TYW3: variants seen among roughly 807,000 people sequenced by gnomAD.
The protein encoded by TYW3 is tRNA wybutosine-synthesizing protein 3 homolog.
A neutral mutation model predicts 23.1 loss-of-function variants in TYW3; 26 were observed. That is an observed-to-expected ratio of 1.13 (90% confidence interval 0.83 to 1.56). TYW3 has a LOEUF of 1.56. TYW3 is among the 40% of genes most tolerant of loss of function. The pLI, the probability that TYW3 is intolerant of heterozygous loss-of-function variation, is 0.00. For synonymous variants in TYW3, 102 were observed against 105.7 expected (o/e 0.97, Z 0.21); for missense variants, 316 against 311.9 (o/e 1.01, Z -0.10).
In TYW3 at chr1:74,766,579, CAAAG is replaced by C. The variant is rs1320495315; in HGVS notation, c.*2468_*2471del. On this transcript the variant is annotated 3_prime_UTR_variant, in exon 6 of 6. Transcript: ENST00000370867. ...TGTACAATAAGCTAAGCATTATTAC[CAAAG>C]AGTCAAAAAGTTTTAAGAAATTAAA... 5 of 151,982 alleles carry C rather than the reference CAAAG, an allele frequency of 3.3e-5. No individual in the cohort carries two copies. The highest frequency in any genetic ancestry group is 7.4e-5 in the Non-Finnish European group (5 of 67,970). 9.4% of individuals were successfully genotyped at this position (151,982 alleles called of 1,614,324 possible). A position where few individuals can be genotyped will look rare whatever the true frequency, so the allele number is the denominator to read the frequency against.
chr1:74,762,304 A>C (rs1447039317), intron 5 of TYW3, among the ~76,000 whole-genome samples: 1 of 152,188 alleles, frequency 6.6e-6, no homozygotes, highest in Non-Finnish European at 1.5e-5. Flanking sequence ...TGAATCAAAC[A>C]AAGATGAAAA....
intron 3 of TYW3, among the ~76,000 whole-genome samples, chr1:74,744,776 G>A (rs193287496): frequency 1.3e-5 from 2 of 152,154 alleles, no homozygotes; most frequent in African/African-American, 2.4e-5. Context: ...TCCGGAGTTT[G>A]TTCCTGCAGA....
rs978924180 is a variant in TYW3 at position 74,735,802 on chromosome 1, A to G, written c.175-740A>G. On this transcript the variant is annotated intron_variant, in intron 1 of 5. Transcript: ENST00000370867. Reference sequence around the variant, plus strand: ...CATAGCAATTCCCGGTTCCAAGGGCAGACAGCAGAGTCTCTTGTGGATCCA... The same window carrying G: ...CATAGCAATTCCCGGTTCCAAGGGCGGACAGCAGAGTCTCTTGTGGATCCA... Among the ~76,000 whole-genome samples the G allele has an allele frequency of 2.0e-5, 3 of 152,358 alleles. No individual in the cohort carries two copies. In the East Asian group the frequency reaches 5.8e-4, roughly 29 times the overall value.
intron 3 of TYW3, among the ~76,000 whole-genome samples, chr1:74,745,001 G>A (rs558228342): frequency 4.0e-5 from 6 of 151,838 alleles, no homozygotes; most frequent in East Asian, 3.9e-4. Context: ...AAGGTGGCGC[G>A]TCCAGAGTTG....
chr1:74,736,318 A>G (rs1433377871), intron 1 of TYW3: 1 of 344,740 alleles, frequency 2.9e-6, no homozygotes, highest in Non-Finnish European at 5.3e-6. Flanking sequence ...GAAGATGTTT[A>G]TCAAGTAGTT....
intron 4 of TYW3, chr1:74,750,311 C>T (rs1443914550): frequency 6.6e-6 from 1 of 152,374 alleles, no homozygotes; most frequent in Non-Finnish European, 1.5e-5. Context: ...TGCCTGTAAT[C>T]CCAGCACTTT....
At chr1:74,750,800 CTTTTTTT>C (rs34468239) in intron 4 of TYW3, among the ~76,000 whole-genome samples, 2 of 67,654 alleles carry the variant, frequency 3.0e-5, no homozygotes, top group Admixed American at 2.3e-4. Context: ...TCCCCCGCTC[CTTTTTTT>C]TTTTTTTTTT....
At chr1:74,759,116 T>G (rs973563172) in intron 5 of TYW3, among the ~76,000 whole-genome samples, 3 of 152,158 alleles carry the variant, frequency 2.0e-5, no homozygotes, top group African/African-American at 7.2e-5. Flanking sequence ...TTCAAAGCAT[T>G]AGGATGCTTA....
At chr1:74,751,371 C>G (rs1369509356) in intron 4 of TYW3, 6 of 152,166 alleles carry the variant, frequency 3.9e-5, no homozygotes, top group Non-Finnish European at 8.8e-5. Flanking sequence ...ATTGCAGATG[C>G]TCAGCAAAAG....
At chr1:74,749,053 T>C (rs1240220121) in intron 4 of TYW3, among the ~76,000 whole-genome samples, 5 of 152,202 alleles carry the variant, frequency 3.3e-5, no homozygotes, top group African/African-American at 1.2e-4. Flanking sequence ...ACCTGATTCT[T>C]AACTCTGCCC....
chr1:74,757,029 G>C (rs1161098311), intron 5 of TYW3, among the ~76,000 whole-genome samples: 1 of 152,234 alleles, frequency 6.6e-6, no homozygotes, highest in Non-Finnish European at 1.5e-5. Context: ...CAAAAGTCAA[G>C]AATTGGCATC....
chr1:74,746,697 G>C (rs752613323), intron 3 of TYW3, among the ~76,000 whole-genome samples: 1 of 152,178 alleles, frequency 6.6e-6, no homozygotes, highest in Non-Finnish European at 1.5e-5. Flanking sequence ...TGCTGTGAAG[G>C]AGATAAGAAG....
chr1:74,748,764 T>C lies in TYW3; in HGVS notation c.368T>C (p.Ile123Thr), dbSNP rs1156535578. 2 of 1,613,926 alleles carry C rather than the reference T, an allele frequency of 1.2e-6. No homozygotes were observed. The highest frequency in any genetic ancestry group is 1.1e-5 in the South Asian group (1 of 91,088). The change falls in exon 4 of 6, where the codon ATA (isoleucine) becomes ACA (threonine). Residue 123 changes from isoleucine to threonine, a missense_variant. Ile to Thr is a moderately conservative substitution (Grantham distance 89). Coordinates refer to ENST00000370867, the MANE Select transcript of TYW3 (RefSeq NM_138467.3). ...ATTTTCTTACAGCATTCCATGGCAATAGATTCTGGTTTCAGGAACTCTGGC... is the reference window on the plus strand; with the variant it reads ...ATTTTCTTACAGCATTCCATGGCAACAGATTCTGGTTTCAGGAACTCTGGC... The part of the protein sequence containing the change: ...QDAQILHSMA[I>T]DSGFRNSGIT...
At chr1:74,744,854 C>T (rs1012102901) in intron 3 of TYW3, among the ~76,000 whole-genome samples, 8 of 152,166 alleles carry the variant, frequency 5.3e-5, no homozygotes, top group African/African-American at 1.9e-4. Flanking sequence ...CGGAGTGAAG[C>T]CACAGACCTT....
intron 3 of TYW3, among the ~76,000 whole-genome samples, chr1:74,739,797 T>C (rs55668944): frequency 0.04 from 6,042 of 152,272 alleles, 160 homozygotes; most frequent in Non-Finnish European, 0.058. Context: ...AGATACGAGT[T>C]AGGAGTAGTT....
intron 2 of TYW3, among the ~76,000 whole-genome samples, chr1:74,738,390 A>G (rs1041126264): frequency 1.3e-5 from 2 of 152,188 alleles, no homozygotes; most frequent in African/African-American, 4.8e-5. Flanking sequence ...TGTATACTAC[A>G]TTTCCTAATG....
At chr1:74,745,335 C>A (rs1007132908) in intron 3 of TYW3, among the ~76,000 whole-genome samples, 1 of 152,302 alleles carries the variant, frequency 6.6e-6, no homozygotes, top group East Asian at 1.9e-4. Flanking sequence ...CCTTATTTGG[C>A]CCCACCCACA....
intron 5 of TYW3, chr1:74,761,753 C>T (rs1045178586): frequency 5.9e-5 from 9 of 152,216 alleles, no homozygotes; most frequent in African/African-American, 2.2e-4. Flanking sequence ...TAGAAGTTTT[C>T]ATCAATGTAA....
rs746128510 is a variant in TYW3, at chr1:74,748,748, C to T, written c.355-3C>T. The T allele has an allele frequency of 1.9e-5, 30 of 1,613,720 alleles. No homozygotes were observed. Among genetic ancestry groups the T allele is most frequent in the Non-Finnish European group, 2.3e-5 (27 of 1,179,710 alleles). ...AAATGTAACAAGTTTTATTTTCTTA[C>T]AGCATTCCATGGCAATAGATTCTGG... On this transcript the variant is annotated splice_region_variant and splice_polypyrimidine_tract_variant and intron_variant, in intron 3 of 5. Transcript: ENST00000370867.
Sources: gnomAD v4.1 joint callset for allele counts (sites outside exome capture counted in the v4.1 genomes callset) on GRCh38, gnomAD v4.1.1 for gene constraint, MANE v1.5 for transcripts, NCBI Gene and HGNC (gene_info 2026-07-23, HGNC 2026-07-21) for gene names.